The following NCAM2 variants were observed in gnomAD, a reference collection of about 807,000 sequenced individuals.
NCAM2 encodes N-CAM-2.
In NCAM2, 30 loss-of-function variants were observed where a neutral mutation model predicts 98.1. That is an observed-to-expected ratio of 0.31 (90% CI 0.23 to 0.41). The LOEUF is 0.41. NCAM2 is among the 10% of genes least tolerant of loss of function. NCAM2 has a pLI of 1.00. For synonymous variants in NCAM2, 368 were observed against 342.4 expected (o/e 1.07, Z -0.83); for missense variants, 867 against 1,005.8 (o/e 0.86, Z 1.87).
rs905198820 is a variant in NCAM2 at position 21,541,904 on chromosome 21, TAA to T, written c.*3948_*3949del. 32 of 151,820 alleles carry T rather than the reference TAA, an allele frequency of 2.1e-4. No individual in the cohort carries two copies. Among genetic ancestry groups the T allele is most frequent in the African/African-American group, 7.5e-4 (31 of 41,416 alleles). The allele number at this position is 151,820 out of a possible 1,614,324, so 9.4% of individuals were successfully genotyped here. On this transcript the variant is annotated 3_prime_UTR_variant, in exon 18 of 18. Transcript: ENST00000400546. ...TTGTATCTGGATATATTTTTAACAA[TAA>T]GTTTGTTAGCATTATTTATTTATCT...
At chr21:21,286,177 A>G in intron 3 of NCAM2, 92 bp from the exon 4 acceptor site, 1 of 1,314,452 alleles carries the variant, frequency 7.6e-7, no homozygotes, top group South Asian at 1.5e-5. Flanking sequence ...TTATTATAGT[A>G]TCAATAGAGT....
chr21:21,504,566 C>T (rs1156312710), intron 15 of NCAM2, among the ~76,000 whole-genome samples: 2 of 151,614 alleles, frequency 1.3e-5, no homozygotes, highest in East Asian at 1.9e-4. Context: ...ATTTGTGAAA[C>T]GTCCAGAGTA....
At chr21:21,437,898 A>T (rs1978629521) in intron 12 of NCAM2, among the ~76,000 whole-genome samples, 1 of 143,060 alleles carries the variant, frequency 7.0e-6, no homozygotes, top group Non-Finnish European at 1.5e-5. Flanking sequence ...TAGAATACAT[A>T]TTTAAAGCAC....
At chr21:21,036,047 C>T (rs977960443) in intron 1 of NCAM2, among the ~76,000 whole-genome samples, 3 of 152,166 alleles carry the variant, frequency 2.0e-5, no homozygotes, top group Admixed American at 2.0e-4. Flanking sequence ...TTTTTATTCT[C>T]TTTCTTTTTG....
At chr21:21,056,169 A>G (rs9637137) in intron 1 of NCAM2, among the ~76,000 whole-genome samples, 9,086 of 152,102 alleles carry the variant, frequency 0.06, 286 homozygotes, top group East Asian at 0.097. Flanking sequence ...GAAATGCTAC[A>G]TAGTACTGAA....
intron 1 of NCAM2, among the ~76,000 whole-genome samples, chr21:21,090,753 C>A (rs939598791): frequency 2.6e-5 from 4 of 152,164 alleles, no homozygotes; most frequent in African/African-American, 9.7e-5. Context: ...GTATGTCCAG[C>A]CACCCCTGCA....
At chr21:21,469,090 T>C (rs1343401352) in intron 14 of NCAM2, among the ~76,000 whole-genome samples, 3 of 152,024 alleles carry the variant, frequency 2.0e-5, no homozygotes, top group Admixed American at 6.6e-5. Flanking sequence ...TCTCATTTTA[T>C]TTGATATTAG....
At chr21:21,078,947 A>G (rs1223502936) in intron 1 of NCAM2, among the ~76,000 whole-genome samples, 1 of 152,176 alleles carries the variant, frequency 6.6e-6, no homozygotes, top group Non-Finnish European at 1.5e-5. Context: ...AGAAAACCAA[A>G]CACTGCATGT....
chr21:21,503,089 A>G (rs1390611695), intron 15 of NCAM2, among the ~76,000 whole-genome samples: 2 of 152,028 alleles, frequency 1.3e-5, no homozygotes, highest in East Asian at 1.9e-4. Context: ...TATACAACAG[A>G]AACATGAAAA....
chr21:21,066,879 G>A (rs1361986929), intron 1 of NCAM2, among the ~76,000 whole-genome samples: 2 of 151,998 alleles, frequency 1.3e-5, no homozygotes, highest in Non-Finnish European at 2.9e-5. Flanking sequence ...TTGATAGGAA[G>A]TGATCATTTG....
intron 1 of NCAM2, among the ~76,000 whole-genome samples, chr21:21,077,156 A>G (rs1305705257): frequency 2.0e-5 from 3 of 152,198 alleles, no homozygotes; most frequent in African/African-American, 2.4e-5. Flanking sequence ...AGAAAACTTT[A>G]TGGCAACATC....
intron 1 of NCAM2, among the ~76,000 whole-genome samples, chr21:21,123,989 A>T (rs2146578794): frequency 6.6e-6 from 1 of 151,332 alleles, no homozygotes; most frequent in Non-Finnish European, 1.5e-5. Flanking sequence ...CTGGGACTGT[A>T]GGCGCCCGCC....
chr21:21,531,724 A>G (rs933721027), intron 16 of NCAM2, among the ~76,000 whole-genome samples: 1 of 151,916 alleles, frequency 6.6e-6, no homozygotes, highest in South Asian at 2.1e-4. Context: ...TACAGACAAT[A>G]TCAATAATGA....
intron 1 of NCAM2, among the ~76,000 whole-genome samples, chr21:21,149,035 G>A (rs2067369825): frequency 6.6e-6 from 1 of 152,046 alleles, no homozygotes; most frequent in Non-Finnish European, 1.5e-5. Context: ...CTGTATATAT[G>A]TGGTTCTATT....
intron 16 of NCAM2, among the ~76,000 whole-genome samples, chr21:21,526,400 TACTC>T (rs960625789): frequency 6.6e-6 from 1 of 152,044 alleles, no homozygotes; most frequent in African/African-American, 2.4e-5. Flanking sequence ...CAAAATTAAA[TACTC>T]AGCCGTATAG....
chr21:21,466,457 C>A, intron 12 of NCAM2, 149 bp from the exon 13 acceptor site: 1 of 552,030 alleles, frequency 1.8e-6, no homozygotes, highest in Non-Finnish European at 2.9e-6. Context: ...TATGACTTAT[C>A]TATTTTTTAG....
intron 1 of NCAM2, among the ~76,000 whole-genome samples, chr21:21,138,807 G>A (rs927589427): frequency 5.3e-5 from 8 of 151,944 alleles, no homozygotes; most frequent in Non-Finnish European, 7.4e-5. Flanking sequence ...TTCAATATAC[G>A]ACTGACACTT....
chr21:21,472,228 A>G (rs1380597), intron 14 of NCAM2, among the ~76,000 whole-genome samples: 84,924 of 151,802 alleles, frequency 0.56, 25,153 homozygotes, highest in African/African-American at 0.7. Flanking sequence ...AATCAATTGT[A>G]AGGAAGTACT....
At chr21:21,313,018 G>C (rs965011953) in intron 5 of NCAM2, among the ~76,000 whole-genome samples, 30 of 151,874 alleles carry the variant, frequency 2.0e-4, no homozygotes, top group African/African-American at 6.7e-4. Context: ...TGTGCATAAT[G>C]TTATCTGGAT....
Sources: allele counts gnomAD v4.1 joint callset (sites outside exome capture counted in the v4.1 genomes callset), GRCh38; gene constraint gnomAD v4.1.1; transcripts MANE v1.5; gene names NCBI Gene and HGNC (gene_info 2026-07-23, HGNC 2026-07-21).